The following COL19A1 variants were observed in gnomAD, a reference collection of about 807,000 sequenced individuals.
The protein encoded by COL19A1 is collagen alpha-1(XIX) chain.
A neutral mutation model predicts 190.2 loss-of-function variants in COL19A1; 159 were observed. The observed-to-expected ratio is 0.84, with a 90% CI of 0.73 to 0.95. COL19A1 has a LOEUF of 0.95. COL19A1 is among the 40% of genes least tolerant of loss of function. The pLI, the probability that COL19A1 is intolerant of heterozygous loss-of-function variation, is 0.00. For synonymous variants in COL19A1, 509 were observed against 458.9 expected (o/e 1.11, Z -1.39); for missense variants, 1,418 against 1,431.9 (o/e 0.99, Z 0.16).
chr6:70,182,766 T>C (rs1227205712), intron 44 of COL19A1, among the ~76,000 whole-genome samples: 2 of 152,164 alleles, frequency 1.3e-5, no homozygotes, highest in Non-Finnish European at 2.9e-5. Context: ...GTGGGAGAGA[T>C]CACCACATGT....
At chr6:70,155,450 T>C (rs1228450560) in intron 31 of COL19A1, among the ~76,000 whole-genome samples, 1 of 152,130 alleles carries the variant, frequency 6.6e-6, no homozygotes, top group African/African-American at 2.4e-5. Context: ...AGAGTTATGT[T>C]TATCTTATGA....
intron 4 of COL19A1, among the ~76,000 whole-genome samples, chr6:69,924,216 T>A (rs1174131367): frequency 6.6e-6 from 1 of 152,134 alleles, no homozygotes; most frequent in Non-Finnish European, 1.5e-5. Flanking sequence ...ACTCGTCATT[T>A]ACATTAGGTA....
intron 36 of COL19A1, among the ~76,000 whole-genome samples, chr6:70,165,618 A>G (rs1445063724): frequency 1.3e-5 from 2 of 152,174 alleles, no homozygotes; most frequent in African/African-American, 4.8e-5. Context: ...AGAGTTCCAC[A>G]TTGGGAGAGT....
chr6:70,068,469 G>A lies in COL19A1; in HGVS notation c.1217G>A (p.Gly406Asp), dbSNP rs776337785. The change falls in exon 15 of 51, where the codon GGT (glycine) becomes GAT (aspartate). Residue 406 changes from glycine to aspartate, a missense_variant. Physicochemically the swap from Gly to Asp is moderately conservative, Grantham distance 94 (BLOSUM62 -1). Transcript: ENST00000620364. ...QGPQGPPGKE[G>D]QRGRRGKTGP... ...CCCCAAGGTCCACCTGGAAAAGAGGGTCAGAGGGTAAGTAAAGCTGGAACA... is the reference window on the plus strand; with the variant it reads ...CCCCAAGGTCCACCTGGAAAAGAGGATCAGAGGGTAAGTAAAGCTGGAACA... 4 of 1,597,774 alleles carry A rather than the reference G, an allele frequency of 2.5e-6. No homozygotes were observed. The highest frequency in any genetic ancestry group is 1.7e-5 in the Admixed American group (1 of 59,242).
chr6:69,888,753 G>C (rs1329729006), intron 2 of COL19A1, among the ~76,000 whole-genome samples: 1 of 148,314 alleles, frequency 6.7e-6, no homozygotes, highest in African/African-American at 2.5e-5. Flanking sequence ...ACTCCATCCT[G>C]GTCGACAGAG....
rs562467941 is a variant in COL19A1, at chr6:70,200,945, A to G, written c.3223+1209A>G. 2.0e-5 allele frequency among the ~76,000 whole-genome samples: 3 copies of G among 152,282 alleles called. No individual in the cohort carries two copies. The South Asian group carries it at 6.2e-4, about 32-fold the overall frequency. The stretch of plus-strand genomic sequence containing the variant: ...CCACCATTATCTTTAGATTATAGTG[A>G]AGTTTGGCAGATTGATGAAGGAAAG... On this transcript the variant is annotated intron_variant, in intron 49 of 50. Transcript: ENST00000620364.
chr6:70,019,285 T>G (rs1217211072), intron 11 of COL19A1, among the ~76,000 whole-genome samples: 1 of 152,140 alleles, frequency 6.6e-6, no homozygotes, highest in African/African-American at 2.4e-5. Context: ...TTAAAAGTCC[T>G]TATTATGTAA....
chr6:69,881,373 A>G (rs73749319), intron 2 of COL19A1, among the ~76,000 whole-genome samples: 2,762 of 152,280 alleles, frequency 0.018, 91 homozygotes, highest in African/African-American at 0.062. Flanking sequence ...ACTTTTTAAA[A>G]TTGTGATAAG....
chr6:69,953,131 A>G (rs1395060339), intron 9 of COL19A1, among the ~76,000 whole-genome samples: 2 of 151,228 alleles, frequency 1.3e-5, no homozygotes, highest in Admixed American at 6.6e-5. Context: ...AATGAGGAGG[A>G]AAAAAAAAGA....
intron 4 of COL19A1, among the ~76,000 whole-genome samples, chr6:69,915,591 C>T (rs1771239154): frequency 6.6e-6 from 1 of 152,110 alleles, no homozygotes; most frequent in African/African-American, 2.4e-5. Context: ...CCTGATTTCA[C>T]AATTCAGGGA....
chr6:70,051,285 A>C (rs910280907), intron 14 of COL19A1, among the ~76,000 whole-genome samples: 1 of 152,204 alleles, frequency 6.6e-6, no homozygotes, highest in African/African-American at 2.4e-5. Context: ...AGTGTCAAGA[A>C]CTGTAAAAGA....
chr6:69,956,330 A>G (rs1367016226), intron 9 of COL19A1, among the ~76,000 whole-genome samples: 1 of 151,966 alleles, frequency 6.6e-6, no homozygotes, highest in Non-Finnish European at 1.5e-5. Context: ...TAGCCGCATT[A>G]AGGATCCAAA....
Position 69,968,056 on chromosome 6 carries a change from A to G in COL19A1, c.1026+5186A>G, listed in dbSNP as rs116870458. ...CATCAGCTAATTTTCAGATGACATA[A>G]TTCAAATTTTTGTAAGCCAGCCTAA... On this transcript the variant is annotated intron_variant, in intron 11 of 50. Transcript: ENST00000620364. Among the ~76,000 whole-genome samples the G allele has an allele frequency of 1.4e-3, 210 of 152,334 alleles. 1 individual carries two copies. The highest frequency in any genetic ancestry group is 2.3e-3 in the Non-Finnish European group (156 of 68,010).
chr6:69,900,335 C>T lies in COL19A1; in HGVS notation c.263C>T (p.Thr88Ile). The change falls in exon 4 of 51, where the codon ACT becomes ATT. Residue 88 changes from threonine to isoleucine, a missense_variant. By Grantham distance (89) the Thr-to-Ile change is moderately conservative (BLOSUM62 -1). Coordinates refer to ENST00000620364, the MANE Select transcript of COL19A1 (RefSeq NM_001858.6). ...GGAAGTGCACTTCTTATTAGAGACACTATGTAAGTAAAAAATTATTTTCTT... is the reference window on the plus strand; with the variant it reads ...GGAAGTGCACTTCTTATTAGAGACATTATGTAAGTAAAAAATTATTTTCTT... ...KLGSALLIRD[T>I]IKIFPKGLPE... The T allele has an allele frequency of 4.0e-6, 6 of 1,485,558 alleles. No homozygotes were observed. The highest frequency in any genetic ancestry group is 5.4e-6 in the Non-Finnish European group (6 of 1,101,268). The allele number at this position is 1,485,558 out of a possible 1,614,324, so 92.0% of individuals were successfully genotyped here.
In COL19A1 at chr6:69,935,705, G is replaced by GT. The variant is rs111944541; in HGVS notation, c.748-1069dup. ...TATCAAAGAATTCAACTACTACCAA[G>GT]TTTTTTTTTTTATTTCTTATTTCCA... On this transcript the variant is annotated intron_variant, in intron 7 of 50. Coordinates refer to ENST00000620364, the MANE Select transcript of COL19A1 (RefSeq NM_001858.6). 6.1e-4 allele frequency among the ~76,000 whole-genome samples: 90 copies of GT among 148,596 alleles called. 1 individual carries two copies. Among genetic ancestry groups the GT allele is most frequent in the Admixed American group, 1.7e-3 (25 of 14,886 alleles).
chr6:70,150,421 A>G (rs186745919), intron 30 of COL19A1, among the ~76,000 whole-genome samples: 10 of 152,294 alleles, frequency 6.6e-5, no homozygotes, highest in Admixed American at 5.9e-4. Flanking sequence ...GTTGCCTACA[A>G]TATGGTATAG....
chr6:70,062,254 T>C (rs1036827935), intron 14 of COL19A1, among the ~76,000 whole-genome samples: 1 of 152,148 alleles, frequency 6.6e-6, no homozygotes, highest in Non-Finnish European at 1.5e-5. Context: ...TTAAAAAAAT[T>C]AGTTACAATA....
chr6:69,930,353 A>T (rs879313827), intron 6 of COL19A1, among the ~76,000 whole-genome samples: 8 of 152,210 alleles, frequency 5.3e-5, no homozygotes, highest in Admixed American at 1.3e-4. Context: ...ATCTTAAAAA[A>T]GTTAGATATA....
At position 70,180,057 on chromosome 6, in the gene COL19A1, A is replaced by G. The variant is rs937679447; in HGVS notation, c.2668-255A>G. On this transcript the variant is annotated intron_variant, in intron 42 of 50. Transcript: ENST00000620364. Reference sequence around the variant, plus strand: ...CCCACCATGCCTGGGTAATTTTTGTATTATTTTTAGTAGAGACAGGGTTTC... The same window carrying G: ...CCCACCATGCCTGGGTAATTTTTGTGTTATTTTTAGTAGAGACAGGGTTTC... Among the ~76,000 whole-genome samples, 4 of 151,908 alleles carry G rather than the reference A, an allele frequency of 2.6e-5. No homozygotes were observed. The South Asian group carries it at 6.2e-4, about 24-fold the overall frequency.
Sources: allele counts gnomAD v4.1 joint callset (sites outside exome capture counted in the v4.1 genomes callset), GRCh38; gene constraint gnomAD v4.1.1; transcripts MANE v1.5; gene names NCBI Gene and HGNC (gene_info 2026-07-23, HGNC 2026-07-21).